The following AGBL3 variants were observed in gnomAD, a reference collection of about 807,000 sequenced individuals.
The protein encoded by AGBL3 is AGBL carboxypeptidase 3, also known as cytosolic carboxypeptidase 3.
Under a neutral mutation model 94.5 loss-of-function variants are expected in AGBL3, and 68 were observed. The observed-to-expected ratio is 0.72, with a 90% CI of 0.59 to 0.88. The LOEUF (loss-of-function observed/expected upper bound fraction) is 0.88, where lower values mean the gene tolerates loss of function less well. Among genes scored for constraint, AGBL3 ranks in the 40% least tolerant of loss-of-function variants. The pLI is 0.00. For synonymous variants in AGBL3, 354 were observed against 370.7 expected, an observed-to-expected ratio of 0.95 and a Z score of 0.52; for missense variants, 934 against 1,103.8, an observed-to-expected ratio of 0.85 and a Z score of 2.18.
intron 16 of AGBL3, among the ~76,000 whole-genome samples, chr7:135,124,552 T>C (rs570404189): frequency 6.6e-6 from 1 of 152,246 alleles, no homozygotes; most frequent in Non-Finnish European, 1.5e-5. Flanking sequence ...GTGGATCTAA[T>C]AGACATCTAC....
At chr7:135,096,179 A>T (rs1822657626) in intron 15 of AGBL3, among the ~76,000 whole-genome samples, 1 of 151,936 alleles carries the variant, frequency 6.6e-6, no homozygotes, top group Non-Finnish European at 1.5e-5. Flanking sequence ...CTTTGACTTT[A>T]CCTGTGAGTT....
intron 16 of AGBL3, among the ~76,000 whole-genome samples, chr7:135,127,515 T>C (rs1828055305): frequency 6.7e-6 from 1 of 150,324 alleles, no homozygotes; most frequent in South Asian, 2.1e-4. Context: ...ATTGCACCAC[T>C]GCACTCCAGC....
intron 15 of AGBL3, among the ~76,000 whole-genome samples, chr7:135,113,561 C>T (rs1417195926): frequency 6.6e-6 from 1 of 152,154 alleles, no homozygotes; most frequent in Non-Finnish European, 1.5e-5. Context: ...TTAAGCATGA[C>T]AATTATAAAT....
intron 16 of AGBL3, among the ~76,000 whole-genome samples, chr7:135,125,357 C>T (rs186410197): frequency 6.6e-6 from 1 of 152,162 alleles, no homozygotes; most frequent in Admixed American, 6.5e-5. Context: ...AGTCGGATCC[C>T]TGAATAGACC....
chr7:135,077,460 T>C (rs1388975241), intron 13 of AGBL3, among the ~76,000 whole-genome samples: 2 of 152,118 alleles, frequency 1.3e-5, no homozygotes, highest in African/African-American at 4.8e-5. Context: ...CCCCAGCTCA[T>C]AAGCCATAGC....
intron 12 of AGBL3, among the ~76,000 whole-genome samples, chr7:135,073,870 C>G (rs1820212562): frequency 1.3e-5 from 2 of 152,128 alleles, no homozygotes; most frequent in African/African-American, 4.8e-5. Context: ...CGGCGCCAGG[C>G]TGTTTGCTTG....
In AGBL3 at chr7:135,045,478, C is replaced by T; in HGVS notation, c.1632C>T (p.Asn544=). Residue 544 remains asparagine (N), a synonymous_variant, in exon 10 of 17, where the codon AAC becomes AAT. Transcript: ENST00000436302. The part of the protein sequence containing the change: ...EATFCGSTLG[N]KRGTHFSTKD... ...ATAAACTTATTGATGTTTTAGGTAA[C>T]AAACGAGGCACTCATTTCAGCACGA... The T allele has an allele frequency of 6.4e-7, 1 of 1,550,646 alleles. No homozygotes were observed. Among genetic ancestry groups the T allele is most frequent in the Non-Finnish European group, 8.7e-7 (1 of 1,146,148 alleles).
intron 4 of AGBL3, among the ~76,000 whole-genome samples, chr7:135,004,639 C>T (rs1812159277): frequency 1.0e-5 from 1 of 96,878 alleles, no homozygotes. Context: ...TGGTTATTTT[C>T]CTAGAAAAAT....
At chr7:135,048,996 G>A (rs1817631995) in intron 11 of AGBL3, among the ~76,000 whole-genome samples, 1 of 151,750 alleles carries the variant, frequency 6.6e-6, no homozygotes, top group South Asian at 2.1e-4. Context: ...CAGTGGCCAG[G>A]TGAGCATCCT....
chr7:134,994,819 ATATAT>A (rs1445453702), intron 4 of AGBL3, among the ~76,000 whole-genome samples: 4 of 152,234 alleles, frequency 2.6e-5, no homozygotes, highest in Non-Finnish European at 5.9e-5. Context: ...AGGGTTAAAA[ATATAT>A]TAAAGAATTC....
intron 8 of AGBL3, among the ~76,000 whole-genome samples, chr7:135,038,234 G>A (rs887844520): frequency 6.7e-6 from 1 of 148,214 alleles, no homozygotes; most frequent in Non-Finnish European, 1.5e-5. Flanking sequence ...TACTGGAGAA[G>A]AACTAATTGT....
chr7:134,987,579 C>T (rs1809630096), intron 1 of AGBL3, among the ~76,000 whole-genome samples: 3 of 152,084 alleles, frequency 2.0e-5, no homozygotes, highest in African/African-American at 7.2e-5. Context: ...TCATTCTGAA[C>T]TTGCTGTGTA....
chr7:135,125,592 A>T (rs1416542797), intron 16 of AGBL3, among the ~76,000 whole-genome samples: 1 of 152,322 alleles, frequency 6.6e-6, no homozygotes, highest in Non-Finnish European at 1.5e-5. Context: ...CACAACAAAA[A>T]AAAGAAAACT....
At chr7:135,099,139 A>C (rs1314859671) in intron 15 of AGBL3, among the ~76,000 whole-genome samples, 1 of 151,844 alleles carries the variant, frequency 6.6e-6, no homozygotes, top group Non-Finnish European at 1.5e-5. Flanking sequence ...GTATGTAATT[A>C]TTATATGTTA....
In AGBL3 at chr7:135,016,931, C is replaced by A. The variant is rs561167117; in HGVS notation, c.311-121C>A. ...CCAATGAACCCTTAGTAAAATCTTA[C>A]CCCACACAAAACACTACATTTTAGC... is the stretch of plus-strand genomic sequence containing the variant. On this transcript the variant is annotated intron_variant, in intron 4 of 16. Coordinates refer to ENST00000436302, the MANE Select transcript of AGBL3 (RefSeq NM_178563.4). 7.7e-4 allele frequency: 520 copies of A among 676,964 alleles called. 2 individuals are homozygous for A. Among genetic ancestry groups the A allele is most frequent in the Admixed American group, 1.3e-3 (51 of 38,106 alleles). The allele number at this position is 676,964 out of a possible 1,614,324, so 41.9% of individuals were successfully genotyped here.
In AGBL3 at chr7:135,032,989, T is replaced by C. The variant is rs377744197; in HGVS notation, c.557+7T>C. 74 of 1,539,744 alleles carry C rather than the reference T, an allele frequency of 4.8e-5. 1 individual carries two copies. In the African/African-American group the frequency reaches 6.9e-4, roughly 14 times the overall value. On this transcript the variant is annotated splice_region_variant and intron_variant, in intron 6 of 16. Transcript: ENST00000436302. ...TACAGAAGGTAGTCAAAGTGTAGGT[T>C]CTAATTATTTTTATTTAAGGAGCTA...
chr7:135,007,461 A>G (rs2133442227), intron 4 of AGBL3, among the ~76,000 whole-genome samples: 1 of 152,110 alleles, frequency 6.6e-6, no homozygotes, highest in East Asian at 1.9e-4. Context: ...CATAGAAAAG[A>G]CATTTTTAAG....
intron 3 of AGBL3, 116 bp downstream of exon 3, chr7:134,989,426 T>C (rs972580983): frequency 3.8e-5 from 27 of 715,928 alleles, no homozygotes; most frequent in Middle Eastern, 3.5e-4. Context: ...TTCTAGTAGA[T>C]TGTGAAAGAG....
intron 3 of AGBL3, among the ~76,000 whole-genome samples, chr7:134,992,246 C>T (rs1460913311): frequency 6.6e-6 from 1 of 152,152 alleles, no homozygotes; most frequent in Non-Finnish European, 1.5e-5. Flanking sequence ...TTGAGGCTTG[C>T]CTTTCAGCTT....
Sources: gnomAD v4.1 joint callset for allele counts (sites outside exome capture counted in the v4.1 genomes callset) on GRCh38, gnomAD v4.1.1 for gene constraint, MANE v1.5 for transcripts, NCBI Gene and HGNC (gene_info 2026-07-23, HGNC 2026-07-21) for gene names.